The following LRP1B variants were observed in gnomAD, a reference collection of about 807,000 sequenced individuals.
LRP1B encodes the protein low-density lipoprotein receptor-related protein 1B.
LRP1B carries 217 observed loss-of-function variants against 556.6 expected under a neutral mutation model. That is an observed-to-expected ratio of 0.39 (90% CI 0.35 to 0.44). LRP1B has a LOEUF of 0.44. LRP1B is among the 20% of genes least tolerant of loss of function. LRP1B has a pLI of 1.00. For missense variants in LRP1B, 5,053 were observed against 5,620.8 expected (o/e 0.90, Z 3.23); for synonymous variants, 2,047 against 1,865.8 (o/e 1.10, Z -2.50).
intron 62 of LRP1B, among the ~76,000 whole-genome samples, chr2:140,451,345 G>C (rs1402672855): frequency 6.6e-6 from 1 of 152,150 alleles, no homozygotes; most frequent in African/African-American, 2.4e-5. Context: ...CCCTTTACAG[G>C]AAAAATTTGG....
At chr2:141,610,260 A>G in intron 2 of LRP1B, among the ~76,000 whole-genome samples, 1 of 148,200 alleles carries the variant, frequency 6.7e-6, no homozygotes, top group Non-Finnish European at 1.5e-5. Flanking sequence ...TGACACATGT[A>G]TACATATGTA....
At chr2:140,717,160 A>C (rs760543720) in intron 35 of LRP1B, among the ~76,000 whole-genome samples, 9 of 151,978 alleles carry the variant, frequency 5.9e-5, no homozygotes, top group Non-Finnish European at 7.4e-5. Context: ...AAACCATGTT[A>C]TTTTGGACCA....
At chr2:142,000,180 G>C (rs575502475) in intron 1 of LRP1B, among the ~76,000 whole-genome samples, 1 of 152,208 alleles carries the variant, frequency 6.6e-6, no homozygotes, top group South Asian at 2.1e-4. Flanking sequence ...GTGGCTCCAA[G>C]AAGAGGACAT....
chr2:140,798,381 T>A (rs558620875), intron 32 of LRP1B, among the ~76,000 whole-genome samples: 1 of 152,190 alleles, frequency 6.6e-6, no homozygotes, highest in Non-Finnish European at 1.5e-5. Flanking sequence ...AAAAGAAGGA[T>A]ATTCTCTTCC....
chr2:141,756,598 A>C (rs1694328993), intron 2 of LRP1B, among the ~76,000 whole-genome samples: 1 of 151,472 alleles, frequency 6.6e-6, no homozygotes, highest in South Asian at 2.1e-4. Context: ...TATGCCAAAT[A>C]ACATTTGAAA....
intron 67 of LRP1B, among the ~76,000 whole-genome samples, chr2:140,382,936 A>G (rs1683586501): frequency 6.6e-6 from 1 of 152,160 alleles, no homozygotes; most frequent in Non-Finnish European, 1.5e-5. Flanking sequence ...TGGTGTTACA[A>G]TTCCCTACAG....
At position 140,951,893 on chromosome 2, in the gene LRP1B, T is replaced by C. The variant is rs948776461; in HGVS notation, c.2935A>G (p.Arg979Gly). 6.2e-7 allele frequency: 1 copy of C among 1,614,034 alleles called. No homozygotes were observed. Among genetic ancestry groups the C allele is most frequent in the Non-Finnish European group, 8.5e-7 (1 of 1,179,902 alleles). ...PLTQFVCKSG[R>G]CISSKWHCDS... ...CAGTGCCATTTGCTGCTAATGCATC[T>C]TCCACTTTTGCATACGAATTGGGTT... Residue 979 changes from arginine to glycine, a missense_variant, in exon 19 of 91, where the codon AGA (arginine) becomes GGA (glycine). Arg to Gly is a moderately radical substitution (Grantham distance 125). Around this residue, in one of 5 missense-constraint regions of LRP1B, gnomAD observed 3,619 missense variants for 3,931.9 expected, o/e 0.92. Coordinates refer to ENST00000389484, the MANE Select transcript of LRP1B (RefSeq NM_018557.3).
chr2:141,578,985 G>A (rs966829613), intron 2 of LRP1B, among the ~76,000 whole-genome samples: 4 of 152,062 alleles, frequency 2.6e-5, no homozygotes, highest in African/African-American at 7.2e-5. Flanking sequence ...TCCTCTTTAC[G>A]GTGTATTCAT....
chr2:140,699,160 A>T (rs909222696), intron 41 of LRP1B, among the ~76,000 whole-genome samples: 2 of 152,070 alleles, frequency 1.3e-5, no homozygotes, highest in African/African-American at 4.8e-5. Flanking sequence ...GCTATAGTTT[A>T]GTTATTCAAA....
chr2:141,974,636 A>T (rs1574549851), intron 1 of LRP1B, among the ~76,000 whole-genome samples: 2 of 152,180 alleles, frequency 1.3e-5, no homozygotes, highest in East Asian at 1.9e-4. Context: ...CTACAGGAAA[A>T]GTACAACTTA....
At chr2:141,156,537 A>C (rs1472120121) in intron 7 of LRP1B, among the ~76,000 whole-genome samples, 1 of 151,900 alleles carries the variant, frequency 6.6e-6, no homozygotes, top group Non-Finnish European at 1.5e-5. Context: ...CTGAGGCAGG[A>C]GAACTGCTTG....
At chr2:141,081,196 C>T (rs1220606332) in intron 7 of LRP1B, among the ~76,000 whole-genome samples, 1 of 152,070 alleles carries the variant, frequency 6.6e-6, no homozygotes, top group East Asian at 1.9e-4. Flanking sequence ...CAGTTCAGGT[C>T]TCAGATTTTT....
chr2:140,366,464 TATAGG>T (rs1404741163), intron 71 of LRP1B, among the ~76,000 whole-genome samples: 2 of 151,652 alleles, frequency 1.3e-5, no homozygotes, highest in African/African-American at 4.8e-5. Context: ...ATGTCTGAAA[TATAGG>T]ATAGGTTTTT....
intron 6 of LRP1B, among the ~76,000 whole-genome samples, chr2:141,201,879 T>C (rs1016969205): frequency 3.9e-5 from 6 of 152,296 alleles, no homozygotes; most frequent in African/African-American, 1.4e-4. Context: ...TAAAAGAAAT[T>C]GCAACCAAGA....
chr2:140,303,112 C>T (rs1164328946), intron 83 of LRP1B, among the ~76,000 whole-genome samples: 2 of 142,004 alleles, frequency 1.4e-5, no homozygotes, highest in African/African-American at 5.2e-5. Context: ...AATATATATG[C>T]ATAAAATAAA....
In LRP1B at chr2:140,585,602, A is replaced by G. The variant is rs532619906; in HGVS notation, c.7194+13029T>C. On this transcript the variant is annotated intron_variant, in intron 43 of 90. Coordinates refer to ENST00000389484, the MANE Select transcript of LRP1B (RefSeq NM_018557.3). ...AAATCTGAGATTCAAAAAGATTAAA[A>G]TAATTGCTCAAGATCACACAGTTTT... is the stretch of plus-strand genomic sequence containing the variant. 2.6e-5 allele frequency among the ~76,000 whole-genome samples: 4 copies of G among 152,312 alleles called. No homozygotes were observed. In the South Asian group the frequency reaches 8.3e-4, roughly 32 times the overall value.
At chr2:141,706,329 GACA>G (rs1314914632) in intron 2 of LRP1B, among the ~76,000 whole-genome samples, 3 of 152,086 alleles carry the variant, frequency 2.0e-5, no homozygotes, top group African/African-American at 7.2e-5. Flanking sequence ...CAAGAAGGCA[GACA>G]ACGAGGCACA....
chr2:141,969,569 T>C (rs1701666339), intron 1 of LRP1B, among the ~76,000 whole-genome samples: 1 of 151,640 alleles, frequency 6.6e-6, no homozygotes, highest in Non-Finnish European at 1.5e-5. Context: ...CCATCCATTT[T>C]GTTACAAATA....
At chr2:141,545,849 A>T (rs1431482410) in intron 2 of LRP1B, among the ~76,000 whole-genome samples, 1 of 152,138 alleles carries the variant, frequency 6.6e-6, no homozygotes, top group East Asian at 1.9e-4. Context: ...AGGAAAGGAA[A>T]CAGATTTCCC....
Sources: gnomAD v4.1 joint callset for allele counts (sites outside exome capture counted in the v4.1 genomes callset) on GRCh38, gnomAD v4.1.1 for gene constraint, gnomAD v4.1.1 regional missense constraint, MANE v1.5 for transcripts, NCBI Gene and HGNC (gene_info 2026-07-23, HGNC 2026-07-21) for gene names.